ADAMTS3: variants seen among roughly 807,000 people sequenced by gnomAD.
The protein encoded by ADAMTS3 is A disintegrin and metalloproteinase with thrombospondin motifs 3.
Under a neutral mutation model 129.0 loss-of-function variants are expected in ADAMTS3, and 73 were observed. The ratio of observed to expected loss-of-function variants is 0.57; its 90% CI spans 0.47 to 0.69. ADAMTS3 has a LOEUF of 0.69. ADAMTS3 is among the 30% of genes least tolerant of loss of function. The pLI, the probability that ADAMTS3 is intolerant of heterozygous loss-of-function variation, is 0.00. For synonymous variants in ADAMTS3, 477 were observed against 510.8 expected (o/e 0.93, Z 0.89); for missense variants, 1,457 against 1,514.5 (o/e 0.96, Z 0.63).
chr4:72,482,433 G>A (rs950210308), intron 3 of ADAMTS3, among the ~76,000 whole-genome samples: 1 of 151,872 alleles, frequency 6.6e-6, no homozygotes, highest in Non-Finnish European at 1.5e-5. Flanking sequence ...ATACTATATA[G>A]TACCATTTAC....
chr4:72,460,267 T>C (rs181300433), intron 3 of ADAMTS3, among the ~76,000 whole-genome samples: 1 of 151,696 alleles, frequency 6.6e-6, no homozygotes, highest in East Asian at 1.9e-4. Context: ...TCTTACTTTT[T>C]TGGAGAGTAA....
Position 72,313,935 on chromosome 4 carries a change from G to C in ADAMTS3, c.1600-113C>G, listed in dbSNP as rs1361149489. ...TTCTTACTGCTCTTTTTTCTTCCAG[G>C]TGGAGATGCATTTAAAATTATCCAA... On this transcript the variant is annotated intron_variant, in intron 11 of 21. Coordinates refer to ENST00000286657, the MANE Select transcript of ADAMTS3 (RefSeq NM_014243.3). 2.5e-6 allele frequency: 3 copies of C among 1,198,844 alleles called. No individual in the cohort carries two copies. In the Admixed American group the frequency reaches 6.3e-5, roughly 25 times the overall value. 74.3% of individuals were successfully genotyped at this position (1,198,844 alleles called of 1,614,324 possible). A position where few individuals can be genotyped will look rare whatever the true frequency, so the allele number is the denominator to read the frequency against.
chr4:72,558,500 G>T (rs2623528), intron 2 of ADAMTS3, among the ~76,000 whole-genome samples: 146,028 of 151,564 alleles, frequency 0.96, 70,741 homozygotes, highest in East Asian at 1. Context: ...GGATAATCTC[G>T]CTATTTTAAG....
chr4:72,563,465 C>A (rs942088763), intron 2 of ADAMTS3, among the ~76,000 whole-genome samples: 4 of 151,988 alleles, frequency 2.6e-5, no homozygotes, highest in African/African-American at 9.7e-5. Flanking sequence ...TTTCCTGATG[C>A]CAGCAATAGG....
intron 3 of ADAMTS3, among the ~76,000 whole-genome samples, chr4:72,440,120 T>C (rs1718069471): frequency 6.6e-6 from 1 of 151,790 alleles, no homozygotes; most frequent in South Asian, 2.1e-4. Context: ...GGTTACTTGT[T>C]ACTGCCTAAA....
chr4:72,552,695 A>G (rs1396559213), intron 2 of ADAMTS3, among the ~76,000 whole-genome samples: 1 of 152,124 alleles, frequency 6.6e-6, no homozygotes, highest in Admixed American at 6.6e-5. Flanking sequence ...TCACATCTCA[A>G]AGATTTTGTA....
intron 3 of ADAMTS3, among the ~76,000 whole-genome samples, chr4:72,542,891 A>AT (rs1398906014): frequency 6.6e-6 from 1 of 152,166 alleles, no homozygotes; most frequent in Admixed American, 6.5e-5. Context: ...AAACATACAG[A>AT]TTTTGTTGTT....
intron 3 of ADAMTS3, among the ~76,000 whole-genome samples, chr4:72,429,611 A>G (rs1722649343): frequency 6.6e-6 from 1 of 152,072 alleles, no homozygotes; most frequent in Non-Finnish European, 1.5e-5. Context: ...GATAACTATT[A>G]AAGCTAGGAT....
chr4:72,291,865 C>A (rs1445478901), intron 19 of ADAMTS3, among the ~76,000 whole-genome samples: 1 of 152,172 alleles, frequency 6.6e-6, no homozygotes, highest in African/African-American at 2.4e-5. Flanking sequence ...ACAGTCCCAC[C>A]AACGGTGTAA....
At chr4:72,311,369 G>T (rs927294237) in intron 13 of ADAMTS3, among the ~76,000 whole-genome samples, 188 bp from the exon 14 acceptor site, 1 of 151,860 alleles carries the variant, frequency 6.6e-6, no homozygotes, top group Non-Finnish European at 1.5e-5. Flanking sequence ...TTTAGCTAAG[G>T]TGACCATAAA....
At chr4:72,402,122 C>G (rs1721940278) in intron 4 of ADAMTS3, among the ~76,000 whole-genome samples, 1 of 152,094 alleles carries the variant, frequency 6.6e-6, no homozygotes, top group African/African-American at 2.4e-5. Flanking sequence ...GTTCTCTAAA[C>G]TTTGTCTTCT....
intron 4 of ADAMTS3, among the ~76,000 whole-genome samples, chr4:72,374,732 A>C (rs1721095922): frequency 6.6e-6 from 1 of 152,204 alleles, no homozygotes; most frequent in Non-Finnish European, 1.5e-5. Context: ...CTTGGTTTAA[A>C]ATACTGTGAA....
rs1158424330 is a variant in ADAMTS3, at chr4:72,282,744, C to T, written c.*392G>A. On this transcript the variant is annotated 3_prime_UTR_variant, in exon 22 of 22. Transcript: ENST00000286657. ...AGTCTAAGAATTCTTTGTTCCATATCCAAAATTTCTTGTTAAAGTGTAAAC... is the reference window on the plus strand; with the variant it reads ...AGTCTAAGAATTCTTTGTTCCATATTCAAAATTTCTTGTTAAAGTGTAAAC... 1 of 156,384 alleles carries T rather than the reference C, an allele frequency of 6.4e-6. No individual in the cohort carries two copies. Among genetic ancestry groups the T allele is most frequent in the Non-Finnish European group, 1.4e-5 (1 of 70,848 alleles). 9.7% of individuals were successfully genotyped at this position (156,384 alleles called of 1,614,324 possible). A position where few individuals can be genotyped will look rare whatever the true frequency, so the allele number is the denominator to read the frequency against.
intron 3 of ADAMTS3, among the ~76,000 whole-genome samples, chr4:72,545,644 C>A (rs757540123): frequency 2.0e-5 from 3 of 152,108 alleles, no homozygotes; most frequent in Non-Finnish European, 4.4e-5. Flanking sequence ...ATTCTTCAGA[C>A]CTTCTAAAGT....
chr4:72,318,731 G>A, intron 9 of ADAMTS3, 27 bp from the exon 10 acceptor site: 1 of 1,599,704 alleles, frequency 6.3e-7, no homozygotes, highest in South Asian at 1.1e-5. Flanking sequence ...ATTGCATGTA[G>A]TTAAATGTTC....
chr4:72,352,221 TA>T (rs1720458744), intron 4 of ADAMTS3, among the ~76,000 whole-genome samples: 1 of 152,042 alleles, frequency 6.6e-6, no homozygotes, highest in African/African-American at 2.4e-5. Flanking sequence ...CCACCAGTGG[TA>T]TACAGTGGTA....
At chr4:72,545,431 G>A (rs1023507390) in intron 3 of ADAMTS3, among the ~76,000 whole-genome samples, 1 of 152,138 alleles carries the variant, frequency 6.6e-6, no homozygotes, top group Non-Finnish European at 1.5e-5. Context: ...CAAACCTCAG[G>A]AAGGGAGCAA....
At chr4:72,387,010 A>C (rs2109887366) in intron 4 of ADAMTS3, among the ~76,000 whole-genome samples, 1 of 152,376 alleles carries the variant, frequency 6.6e-6, no homozygotes, top group Non-Finnish European at 1.5e-5. Context: ...AAGACTATCC[A>C]AAATCTCAAA....
chr4:72,450,858 C>T (rs1416979155), intron 3 of ADAMTS3, among the ~76,000 whole-genome samples: 1 of 150,986 alleles, frequency 6.6e-6, no homozygotes, highest in South Asian at 2.1e-4. Context: ...TGATTCCACA[C>T]ATCACTACCC....
Sources: gnomAD v4.1 joint callset for allele counts (sites outside exome capture counted in the v4.1 genomes callset) on GRCh38, gnomAD v4.1.1 for gene constraint, MANE v1.5 for transcripts, NCBI Gene and HGNC (gene_info 2026-07-23, HGNC 2026-07-21) for gene names.